The following CHODL variants were observed in gnomAD, a reference collection of about 807,000 sequenced individuals.
CHODL encodes the protein transmembrane protein MT75.
Under a neutral mutation model 34.5 loss-of-function variants are expected in CHODL, and 29 were observed. The observed-to-expected ratio is 0.84, with a 90% CI of 0.63 to 1.15. CHODL has a LOEUF of 1.15. Ranked by LOEUF, CHODL falls within the 50% of genes most tolerant of loss-of-function variation. The pLI is 0.00. For missense variants in CHODL, 332 were observed against 332.5 expected (o/e 1.00, Z 0.01); for synonymous variants, 125 against 116.1 (o/e 1.08, Z -0.49).
chr21:18,006,919 G>A (rs967899290), intron 1 of CHODL, among the ~76,000 whole-genome samples: 1 of 152,218 alleles, frequency 6.6e-6, no homozygotes, highest in African/African-American at 2.4e-5. Context: ...ATCAGCTAAT[G>A]ATTCTTGGCT....
chr21:18,012,864 A>T (rs2064032140), intron 1 of CHODL, among the ~76,000 whole-genome samples: 1 of 152,200 alleles, frequency 6.6e-6, no homozygotes, highest in African/African-American at 2.4e-5. Context: ...TCTGTTGTTT[A>T]ATCTTAATTA....
chr21:18,082,647 A>T (rs1306131377), intron 2 of CHODL, among the ~76,000 whole-genome samples: 1 of 152,188 alleles, frequency 6.6e-6, no homozygotes, highest in Non-Finnish European at 1.5e-5. Flanking sequence ...GAACTGTAGT[A>T]AAGGTCACTC....
intron 2 of CHODL, among the ~76,000 whole-genome samples, chr21:18,170,325 T>C (rs139903509): frequency 0.013 from 1,980 of 152,192 alleles, 34 homozygotes; most frequent in African/African-American, 0.044. Context: ...ACTAAACTTG[T>C]GGACAGAATA....
At chr21:18,216,140 G>T (rs1429798565) in intron 2 of CHODL, among the ~76,000 whole-genome samples, 1 of 150,364 alleles carries the variant, frequency 6.7e-6, no homozygotes, top group African/African-American at 2.5e-5. Flanking sequence ...TTTATGGTTT[G>T]TTGGATTGAT....
chr21:18,260,922 G>A (rs1312281235), intron 4 of CHODL, among the ~76,000 whole-genome samples: 4 of 152,180 alleles, frequency 2.6e-5, no homozygotes, highest in Non-Finnish European at 4.4e-5. Flanking sequence ...TAGGCGTCAT[G>A]ATGCAAATTG....
chr21:18,104,986 C>T (rs1315106993), intron 2 of CHODL, among the ~76,000 whole-genome samples: 1 of 152,146 alleles, frequency 6.6e-6, no homozygotes, highest in South Asian at 2.1e-4. Flanking sequence ...TTTGGCTGCC[C>T]AGCAGCTGAC....
intron 5 of CHODL, among the ~76,000 whole-genome samples, chr21:18,265,640 C>T (rs2146834837): frequency 6.6e-6 from 1 of 152,094 alleles, no homozygotes; most frequent in Middle Eastern, 3.4e-3. Context: ...ACTCATGTAA[C>T]CAAACACCAC....
chr21:18,185,066 C>T (rs1417273164), intron 2 of CHODL, among the ~76,000 whole-genome samples: 1 of 151,926 alleles, frequency 6.6e-6, no homozygotes, highest in Non-Finnish European at 1.5e-5. Flanking sequence ...GATACATGTG[C>T]AGAACGTGCA....
chr21:18,192,155 C>T (rs535430762), intron 2 of CHODL, among the ~76,000 whole-genome samples: 32 of 152,282 alleles, frequency 2.1e-4, no homozygotes, highest in African/African-American at 7.0e-4. Context: ...AGGATCCTTT[C>T]TCTGCTTCTC....
intron 4 of CHODL, among the ~76,000 whole-genome samples, chr21:18,260,565 G>T (rs540159148): frequency 2.6e-5 from 4 of 152,204 alleles, no homozygotes; most frequent in Admixed American, 6.5e-5. Context: ...GTAATCCCAA[G>T]AATTTGGGAG....
In CHODL at chr21:18,260,360, A is replaced by G. The variant is rs1428920458; in HGVS notation, c.634+74A>G. The G allele has an allele frequency of 7.4e-6, 7 of 946,448 alleles. No individual in the cohort carries two copies. The South Asian group carries it at 1.1e-4, about 15-fold the overall frequency. The allele number at this position is 946,448 out of a possible 1,614,324, so 58.6% of individuals were successfully genotyped here. A position where few individuals can be genotyped will look rare whatever the true frequency, so the allele number is the denominator to read the frequency against. ...TCAAACGCTGCTTCATGTTGACCCCAGTGAAACTTGTCTTGCCTGGGGAAG... is the reference window on the plus strand; with the variant it reads ...TCAAACGCTGCTTCATGTTGACCCCGGTGAAACTTGTCTTGCCTGGGGAAG... On this transcript the variant is annotated intron_variant, in intron 4 of 5. Transcript: ENST00000299295.
chr21:18,245,114 G>T lies in CHODL; in HGVS notation c.-110G>T. On this transcript the variant is annotated 5_prime_UTR_variant, in exon 1 of 6. Transcript: ENST00000299295. The stretch of plus-strand genomic sequence containing the variant: ...GGGCAGCTGGGCTCGGGCGGCGGGA[G>T]TAGGGCCCGGCAGGGAGGCAGGGAG... 1.1e-6 allele frequency: 1 copy of T among 950,472 alleles called. No individual in the cohort carries two copies. The highest frequency in any genetic ancestry group is 2.0e-5 in the South Asian group (1 of 51,168). 58.9% of individuals were successfully genotyped at this position (950,472 alleles called of 1,614,324 possible).
intron 2 of CHODL, among the ~76,000 whole-genome samples, chr21:18,216,626 G>C (rs897905988): frequency 6.6e-6 from 1 of 152,058 alleles, no homozygotes; most frequent in African/African-American, 2.4e-5. Flanking sequence ...GTCAGTTTTC[G>C]CACTGCTATA....
intron 1 of CHODL, among the ~76,000 whole-genome samples, chr21:17,927,696 G>A (rs1431080032): frequency 6.6e-6 from 1 of 152,192 alleles, no homozygotes; most frequent in African/African-American, 2.4e-5. Context: ...CCAGAGGGAG[G>A]TACGAGTGGG....
At chr21:18,070,911 T>C (rs2064796354) in intron 2 of CHODL, among the ~76,000 whole-genome samples, 1 of 151,948 alleles carries the variant, frequency 6.6e-6, no homozygotes, top group South Asian at 2.1e-4. Flanking sequence ...TTTACTCCAA[T>C]TATGTTCTCT....
At chr21:17,956,982 T>C (rs1177243465) in intron 1 of CHODL, among the ~76,000 whole-genome samples, 1 of 151,968 alleles carries the variant, frequency 6.6e-6, no homozygotes, top group Admixed American at 6.6e-5. Flanking sequence ...TAAAGAAGGT[T>C]GTCCTCTCCA....
chr21:18,004,131 AC>A (rs985145017), intron 1 of CHODL, among the ~76,000 whole-genome samples: 19 of 152,322 alleles, frequency 1.2e-4, no homozygotes, highest in African/African-American at 4.3e-4. Flanking sequence ...TAGTAGCTAA[AC>A]CTAAGCAAAA....
At chr21:18,166,446 A>G (rs1224136030) in intron 2 of CHODL, among the ~76,000 whole-genome samples, 1 of 152,150 alleles carries the variant, frequency 6.6e-6, no homozygotes, top group Admixed American at 6.5e-5. Flanking sequence ...TTATCATTAC[A>G]GGTTTTGACT....
intron 1 of CHODL, among the ~76,000 whole-genome samples, chr21:17,997,013 TA>T (rs1023531591): frequency 6.6e-6 from 1 of 151,964 alleles, no homozygotes; most frequent in African/African-American, 2.4e-5. Context: ...ATTCTGATTT[TA>T]AAAAAAACAT....
Sources: gnomAD v4.1 joint callset for allele counts (sites outside exome capture counted in the v4.1 genomes callset) on GRCh38, gnomAD v4.1.1 for gene constraint, MANE v1.5 for transcripts, NCBI Gene and HGNC (gene_info 2026-07-23, HGNC 2026-07-21) for gene names.